The following ZDHHC17 variants were observed in gnomAD, a reference collection of about 807,000 sequenced individuals.
ZDHHC17 encodes zDHHC palmitoyltransferase 17, also known as palmitoyltransferase ZDHHC17.
Under a neutral mutation model 90.3 loss-of-function variants are expected in ZDHHC17, and 40 were observed. The ratio of observed to expected loss-of-function variants is 0.44; its 90% CI spans 0.34 to 0.58. ZDHHC17 has a LOEUF of 0.58. ZDHHC17 is among the 20% of genes least tolerant of loss of function. ZDHHC17 has a pLI of 0.01. For synonymous variants in ZDHHC17, 235 were observed against 252.4 expected (o/e 0.93, Z 0.65); for missense variants, 614 against 780.8 (o/e 0.79, Z 2.55).
chr12:76,775,320 G>A (rs1278434234), intron 1 of ZDHHC17, among the ~76,000 whole-genome samples: 2 of 152,048 alleles, frequency 1.3e-5, no homozygotes, highest in Non-Finnish European at 2.9e-5. Flanking sequence ...AGATAATAGT[G>A]ACATTCTTTT....
At position 76,764,120 on chromosome 12, in the gene ZDHHC17, G is replaced by C; in HGVS notation, c.-117G>C. The C allele has an allele frequency of 1.3e-6, 1 of 772,876 alleles. No individual in the cohort carries two copies. The highest frequency in any genetic ancestry group is 2.0e-6 in the Non-Finnish European group (1 of 493,130). 47.9% of individuals were successfully genotyped at this position (772,876 alleles called of 1,614,324 possible). A position where few individuals can be genotyped will look rare whatever the true frequency, so the allele number is the denominator to read the frequency against. On this transcript the variant is annotated 5_prime_UTR_variant, in exon 1 of 17. Transcript: ENST00000426126. ...GGGGAGGGGACAGAGGGGGCGTCAC[G>C]GGGGCAGGAGAAGAAGGAGGAGGAG...
chr12:76,804,683 C>T (rs1051613850), intron 2 of ZDHHC17, among the ~76,000 whole-genome samples: 4 of 152,132 alleles, frequency 2.6e-5, no homozygotes, highest in African/African-American at 4.8e-5. Flanking sequence ...ACTTAGGCGG[C>T]GTCTGGGAAG....
chr12:76,836,025 G>T (rs532807004), intron 10 of ZDHHC17, among the ~76,000 whole-genome samples: 1 of 151,546 alleles, frequency 6.6e-6, no homozygotes, highest in African/African-American at 2.4e-5. Flanking sequence ...ACTTATGCAT[G>T]CCTGGAGTAA....
At chr12:76,837,017 T>C (rs1476133981) in intron 10 of ZDHHC17, among the ~76,000 whole-genome samples, 2 of 152,208 alleles carry the variant, frequency 1.3e-5, no homozygotes, top group Non-Finnish European at 2.9e-5. Flanking sequence ...AATAAGCAAA[T>C]CCTGAAGAGT....
At chr12:76,769,654 A>C (rs1480638573) in intron 1 of ZDHHC17, among the ~76,000 whole-genome samples, 1 of 152,116 alleles carries the variant, frequency 6.6e-6, no homozygotes, top group African/African-American at 2.4e-5. Flanking sequence ...TTTTAAAATA[A>C]TGTATATTTT....
At chr12:76,827,193 A>AT (rs1272985993) in intron 9 of ZDHHC17, 143 bp downstream of exon 9, 3 of 974,696 alleles carry the variant, frequency 3.1e-6, no homozygotes, top group East Asian at 3.3e-5. Flanking sequence ...GAAATATGAG[A>AT]TTTTTTAAAC....
intron 1 of ZDHHC17, among the ~76,000 whole-genome samples, chr12:76,795,353 T>C (rs1952806836): frequency 6.6e-6 from 1 of 152,154 alleles, no homozygotes; most frequent in South Asian, 2.1e-4. Context: ...TGCACATGTC[T>C]TACCCTATCC....
intron 1 of ZDHHC17, among the ~76,000 whole-genome samples, chr12:76,766,334 G>T (rs1952431210): frequency 6.6e-6 from 1 of 152,168 alleles, no homozygotes; most frequent in Admixed American, 6.5e-5. Flanking sequence ...AGGTCTTTCT[G>T]CATTTTCTGT....
chr12:76,778,668 A>G (rs1952589321), intron 1 of ZDHHC17, among the ~76,000 whole-genome samples: 1 of 152,256 alleles, frequency 6.6e-6, no homozygotes, highest in Non-Finnish European at 1.5e-5. Flanking sequence ...TAGGTAAGTG[A>G]TAAGTCATTG....
chr12:76,821,166 A>G (rs1419626443), intron 7 of ZDHHC17: 2 of 1,272,078 alleles, frequency 1.6e-6, no homozygotes. Context: ...GCTTTTATTC[A>G]GGTAATCTTT....
chr12:76,831,502 C>A lies in ZDHHC17; in HGVS notation c.1141+3012C>A, dbSNP rs1013814624. Among the ~76,000 whole-genome samples, 18 of 152,202 alleles carry A rather than the reference C, an allele frequency of 1.2e-4. No homozygotes were observed. The East Asian group carries it at 3.5e-3, about 29-fold the overall frequency. On this transcript the variant is annotated intron_variant, in intron 10 of 16. Coordinates refer to ENST00000426126, the MANE Select transcript of ZDHHC17 (RefSeq NM_015336.4). ...AGTAGCTGGGATTATAGGTGCACAC[C>A]ACCATACCTGGTTAATTTCTTAAAT...
At chr12:76,802,143 G>T (rs1482878617) in intron 2 of ZDHHC17, among the ~76,000 whole-genome samples, 4 of 152,288 alleles carry the variant, frequency 2.6e-5, no homozygotes, top group African/African-American at 9.6e-5. Context: ...AGGTCCAGTG[G>T]TAACAGATTC....
Position 76,852,559 on chromosome 12 carries a change from T to A in ZDHHC17, c.*1574T>A, listed in dbSNP as rs1953579242. On this transcript the variant is annotated 3_prime_UTR_variant, in exon 17 of 17. Transcript: ENST00000426126. ...CATGTCTGATGCTTGGTAAAACTAG[T>A]CTTCCCTGTAAAATGCAGATTACAG... 1 of 152,596 alleles carries A rather than the reference T, an allele frequency of 6.6e-6. No individual in the cohort carries two copies. Among genetic ancestry groups the A allele is most frequent in the South Asian group, 2.1e-4 (1 of 4,828 alleles). The allele number at this position is 152,596 out of a possible 1,614,324, so 9.5% of individuals were successfully genotyped here.
chr12:76,834,871 C>G lies in ZDHHC17; in HGVS notation c.1141+6381C>G, dbSNP rs2137794997. ...TTCCTAGGTACACTGGTTTATTGAT[C>G]TGTCTGCCTGTATTAACACTGTATA... On this transcript the variant is annotated intron_variant, in intron 10 of 16. Coordinates refer to ENST00000426126, the MANE Select transcript of ZDHHC17 (RefSeq NM_015336.4). 1.3e-5 allele frequency among the ~76,000 whole-genome samples: 2 copies of G among 152,232 alleles called. 1 individual carries two copies. Among genetic ancestry groups the G allele is most frequent in the South Asian group, 4.1e-4 (2 of 4,822 alleles).
chr12:76,769,400 A>G (rs1196291684), intron 1 of ZDHHC17, among the ~76,000 whole-genome samples: 2 of 152,096 alleles, frequency 1.3e-5, no homozygotes, highest in Non-Finnish European at 2.9e-5. Flanking sequence ...GCCATTTTCT[A>G]TTACTTTTTG....
intron 2 of ZDHHC17, among the ~76,000 whole-genome samples, chr12:76,798,320 C>G (rs1592472292): frequency 6.6e-6 from 1 of 152,204 alleles, no homozygotes; most frequent in Non-Finnish European, 1.5e-5. Flanking sequence ...ACAAATCTGA[C>G]TTTTTATAAT....
chr12:76,842,920 C>T lies in ZDHHC17; in HGVS notation c.1268C>T (p.Thr423Ile). 3.1e-6 allele frequency: 5 copies of T among 1,607,660 alleles called. No homozygotes were observed. Among genetic ancestry groups the T allele is most frequent in the Non-Finnish European group, 4.3e-6 (5 of 1,176,086 alleles). Residue 423 changes from threonine (T) to isoleucine (I), a missense_variant and splice_region_variant, in exon 12 of 17, where the codon ACA (threonine) becomes ATA (isoleucine). Physicochemically the swap from Thr to Ile is moderately conservative, Grantham distance 89. Around this residue, in one of 5 missense-constraint regions of ZDHHC17, gnomAD observed 117 missense variants for 183.6 expected, o/e 0.64. Coordinates refer to ENST00000426126, the MANE Select transcript of ZDHHC17 (RefSeq NM_015336.4). The part of the protein sequence containing the change: ...IKATEEQKKK[T>I]IVELAETGSL... ...AAATATTATTTTTTTAATTCACAGACAATAGTTGAACTTGCAGAGACAGGA... is the reference window on the plus strand; with the variant it reads ...AAATATTATTTTTTTAATTCACAGATAATAGTTGAACTTGCAGAGACAGGA...
chr12:76,810,084 A>G (rs975091965), intron 5 of ZDHHC17, among the ~76,000 whole-genome samples: 2 of 152,174 alleles, frequency 1.3e-5, no homozygotes, highest in African/African-American at 4.8e-5. Context: ...TTTATTTCTA[A>G]GAGTAATGGA....
chr12:76,786,902 T>C (rs1952694266), intron 1 of ZDHHC17, among the ~76,000 whole-genome samples: 1 of 152,244 alleles, frequency 6.6e-6, no homozygotes, highest in Non-Finnish European at 1.5e-5. Context: ...ATGTCTTTAC[T>C]TATTCTCAGT....
Sources: gnomAD v4.1 joint callset for allele counts (sites outside exome capture counted in the v4.1 genomes callset) on GRCh38, gnomAD v4.1.1 for gene constraint, gnomAD v4.1.1 regional missense constraint, MANE v1.5 for transcripts, NCBI Gene and HGNC (gene_info 2026-07-23, HGNC 2026-07-21) for gene names.